PRIMPOL: variants seen among roughly 807,000 people sequenced by gnomAD.
The protein encoded by PRIMPOL is primase and DNA directed polymerase.
PRIMPOL carries 54 observed loss-of-function variants against 63.6 expected under a neutral mutation model. The observed-to-expected ratio is 0.85, with a 90% CI of 0.68 to 1.07. PRIMPOL has a LOEUF of 1.07. Among genes scored for constraint, PRIMPOL ranks in the 50% least tolerant of loss-of-function variants. PRIMPOL has a pLI of 0.00. For missense variants in PRIMPOL, 610 were observed against 648.3 expected, an observed-to-expected ratio of 0.94 and a Z score of 0.64; for synonymous variants, 197 against 220.2, an observed-to-expected ratio of 0.89 and a Z score of 0.93.
intron 8 of PRIMPOL, 74 bp from the exon 9 acceptor site, chr4:184,682,174 T>C: frequency 1.4e-6 from 1 of 707,400 alleles, no homozygotes; most frequent in Non-Finnish European, 2.5e-6. Context: ...AGGAATTCAG[T>C]GTCCTTTCTG....
intron 3 of PRIMPOL, among the ~76,000 whole-genome samples, chr4:184,657,995 A>AAAATAAATAAATAAATAAAT (rs58284286): frequency 7.4e-6 from 1 of 134,954 alleles, no homozygotes; most frequent in South Asian, 2.3e-4. Context: ...CTCCATCTCA[A>AAAATAAATAAATAAATAAAT]AAATAAATAA....
At chr4:184,657,504 C>A (rs1364082419) in intron 3 of PRIMPOL, 184 bp downstream of exon 3, 10 of 519,298 alleles carry the variant, frequency 1.9e-5, no homozygotes, top group Non-Finnish European at 3.4e-5. Context: ...GAAAAATATT[C>A]CTGTGAATCA....
Position 184,691,554 on chromosome 4 carries a change from TGTAAA to T in PRIMPOL, c.1353_1357del (p.Lys452ArgfsTer6). 2 of 1,609,326 alleles carry T rather than the reference TGTAAA, an allele frequency of 1.2e-6. No homozygotes were observed. Among genetic ancestry groups the T allele is most frequent in the Non-Finnish European group, 1.7e-6 (2 of 1,177,260 alleles). The stretch of plus-strand genomic sequence containing the variant: ...GTATCAAAAATGTCATGACCCTGTA[TGTAAA>T]GCAGAAAACTTCAAATCTGACTGTA... On this transcript the variant is annotated frameshift_variant, in exon 12 of 14. Coordinates refer to ENST00000314970, the MANE Select transcript of PRIMPOL (RefSeq NM_152683.4). LOFTEE classifies it high-confidence loss of function.
At chr4:184,678,109 T>G in intron 7 of PRIMPOL, 123 bp from the exon 8 acceptor site, 1 of 526,840 alleles carries the variant, frequency 1.9e-6, no homozygotes, top group South Asian at 4.0e-5. Context: ...TTTATTTTGT[T>G]TACAGCTATA....
intron 3 of PRIMPOL, among the ~76,000 whole-genome samples, chr4:184,658,588 A>G (rs954816239): frequency 6.6e-6 from 1 of 152,102 alleles, no homozygotes; most frequent in Non-Finnish European, 1.5e-5. Context: ...TATTTAAACA[A>G]CTACCGCAGT....
rs570550404 is a variant in PRIMPOL at position 184,672,076 on chromosome 4, T to G, written c.557-97T>G. The G allele has an allele frequency of 4.4e-4, 521 of 1,170,904 alleles. 8 individuals carry two copies. In the South Asian group the frequency reaches 6.3e-3, roughly 14 times the overall value. The allele number at this position is 1,170,904 out of a possible 1,614,324, so 72.5% of individuals were successfully genotyped here. ...TTGAAACCAGAAATCAAAAAATGGT[T>G]TTCTGTGTAAAATTGTCATATGTGG... is the stretch of plus-strand genomic sequence containing the variant. On this transcript the variant is annotated intron_variant, in intron 6 of 13. Transcript: ENST00000314970.
At chr4:184,664,755 T>G (rs1749359559) in intron 5 of PRIMPOL, among the ~76,000 whole-genome samples, 1 of 152,214 alleles carries the variant, frequency 6.6e-6, no homozygotes, top group Non-Finnish European at 1.5e-5. Context: ...AAATTGGGAT[T>G]CTGCTTCTAC....
intron 6 of PRIMPOL, among the ~76,000 whole-genome samples, chr4:184,671,924 T>C (rs982520287): frequency 6.6e-6 from 1 of 151,618 alleles, no homozygotes; most frequent in Non-Finnish European, 1.5e-5. Context: ...GTATTTTTAG[T>C]AGAGACGGGG....
chr4:184,671,657 C>T (rs956619345), intron 6 of PRIMPOL, among the ~76,000 whole-genome samples: 3 of 151,970 alleles, frequency 2.0e-5, no homozygotes, highest in Admixed American at 6.6e-5. Context: ...CACCAGGCTC[C>T]CAAGTCAATG....
At chr4:184,694,390 A>C in intron 13 of PRIMPOL, 132 bp from the exon 14 acceptor site, 1 of 1,423,466 alleles carries the variant, frequency 7.0e-7, no homozygotes. Context: ...CGGAGACAGC[A>C]TTCCTCCTGC....
At chr4:184,657,641 A>G (rs1351623249) in intron 3 of PRIMPOL, 2 of 179,772 alleles carry the variant, frequency 1.1e-5, no homozygotes, top group Non-Finnish European at 2.3e-5. Context: ...ATTTATTTCA[A>G]CACAGTAAGC....
At chr4:184,687,948 TC>T (rs1757425937) in intron 11 of PRIMPOL, among the ~76,000 whole-genome samples, 1 of 152,236 alleles carries the variant, frequency 6.6e-6, no homozygotes, top group Admixed American at 6.5e-5. Flanking sequence ...TTGCTTGTTT[TC>T]GAATCGCATC....
At chr4:184,672,572 G>A in intron 7 of PRIMPOL, 112 bp downstream of exon 7, 4 of 1,055,706 alleles carry the variant, frequency 3.8e-6, no homozygotes, top group Non-Finnish European at 5.6e-6. Context: ...CACTGCCCAA[G>A]TCGCCAGCAC....
chr4:184,680,441 G>A (rs920114372), intron 8 of PRIMPOL, among the ~76,000 whole-genome samples: 1 of 152,286 alleles, frequency 6.6e-6, no homozygotes, highest in East Asian at 1.9e-4. Context: ...GCCCACCTTG[G>A]CCTCCCAAAG....
chr4:184,657,416 G>C, intron 3 of PRIMPOL, 96 bp downstream of exon 3: 1 of 1,017,344 alleles, frequency 9.8e-7, no homozygotes, highest in East Asian at 2.7e-5. Context: ...AAAAAAAAAA[G>C]TCTATTATTT....
intron 6 of PRIMPOL, among the ~76,000 whole-genome samples, chr4:184,668,511 A>T (rs981331666): frequency 2.6e-5 from 4 of 152,204 alleles, no homozygotes; most frequent in Admixed American, 6.5e-5. Context: ...TGCCCTTTGC[A>T]TTCAGCTCCT....
At chr4:184,691,841 T>A (rs1374953489) in intron 13 of PRIMPOL, 129 bp downstream of exon 13, 1 of 665,452 alleles carries the variant, frequency 1.5e-6, no homozygotes, top group Non-Finnish European at 2.6e-6. Flanking sequence ...ATGACTGTAT[T>A]ATAGGAATAT....
At chr4:184,694,038 T>C (rs1759811483) in intron 13 of PRIMPOL, among the ~76,000 whole-genome samples, 1 of 152,248 alleles carries the variant, frequency 6.6e-6, no homozygotes, top group Admixed American at 6.5e-5. Context: ...CATTCTATGG[T>C]AAAATAATTG....
At chr4:184,670,107 G>A (rs1318584138) in intron 6 of PRIMPOL, among the ~76,000 whole-genome samples, 4 of 152,150 alleles carry the variant, frequency 2.6e-5, no homozygotes, top group Non-Finnish European at 4.4e-5. Flanking sequence ...AGGGTTGGGG[G>A]CAATAAGATC....
Sources: allele counts gnomAD v4.1 joint callset (sites outside exome capture counted in the v4.1 genomes callset), GRCh38; gene constraint gnomAD v4.1.1; transcripts MANE v1.5; gene names NCBI Gene and HGNC (gene_info 2026-07-23, HGNC 2026-07-21).